Variants in SQSTM1 observed in about 807,000 individuals in gnomAD.
The protein encoded by SQSTM1 is sequestosome-1.
A neutral mutation model predicts 45.1 loss-of-function variants in SQSTM1; 36 were observed. The ratio of observed to expected loss-of-function variants is 0.80; its 90% CI spans 0.61 to 1.05. The LOEUF (loss-of-function observed/expected upper bound fraction) is 1.05. Ranked by LOEUF, SQSTM1 falls within the 50% of genes least tolerant of loss-of-function variation. The probability of loss-of-function intolerance (pLI) is 0.00; values close to 1 mark genes in which losing one functional copy is unlikely to be tolerated. For missense variants in SQSTM1, 617 were observed against 607.1 expected (o/e 1.02, Z -0.17); for synonymous variants, 290 against 244.3 (o/e 1.19, Z -1.74).
In SQSTM1 at chr5:179,824,353, T is replaced by C. The variant is rs1259700697; in HGVS notation, c.673+30T>C. On this transcript the variant is annotated intron_variant, in intron 4 of 7. Coordinates refer to ENST00000389805, the MANE Select transcript of SQSTM1 (RefSeq NM_003900.5). ...GGCTTGTGTTGGAACCTGCTTCTGATTGGTGACAGTAGTCAGGCAGCCTGT... is the reference window on the plus strand; with the variant it reads ...GGCTTGTGTTGGAACCTGCTTCTGACTGGTGACAGTAGTCAGGCAGCCTGT... The C allele has an allele frequency of 5.6e-6, 9 of 1,613,242 alleles. No homozygotes were observed. In the Admixed American group the frequency reaches 8.3e-5, roughly 15 times the overall value.
At position 179,833,573 on chromosome 5, in the gene SQSTM1, G is replaced by A. The variant is rs761682844; in HGVS notation, c.970-14G>A. On this transcript the variant is annotated splice_polypyrimidine_tract_variant and intron_variant, in intron 6 of 7. Transcript: ENST00000389805. ...CGCGTGTCTCCTGTGTGCTCATGGT[G>A]AGTTTTGTTCCAGGAACAGATGGAG... The A allele has an allele frequency of 1.3e-4, 208 of 1,613,974 alleles. No individual in the cohort carries two copies. The highest frequency in any genetic ancestry group is 1.7e-4 in the Non-Finnish European group (200 of 1,179,998).
At chr5:179,810,081 G>A (rs1757349758) in intron 1 of SQSTM1, among the ~76,000 whole-genome samples, 1 of 152,066 alleles carries the variant, frequency 6.6e-6, no homozygotes, top group Non-Finnish European at 1.5e-5. Flanking sequence ...AACGCACCGG[G>A]CCAACAATTT....
chr5:179,812,486 C>T (rs1429622488), intron 2 of SQSTM1: 2 of 152,280 alleles, frequency 1.3e-5, no homozygotes, highest in African/African-American at 4.8e-5. Context: ...CAGGCGCTGG[C>T]ATCTCCAGGC....
chr5:179,833,589 A>G lies in SQSTM1; in HGVS notation c.972A>G (p.Glu324=). ...GCTCATGGTGAGTTTTGTTCCAGGAACAGATGGAGTCGGATAACTGTTCAG... is the reference window on the plus strand; with the variant it reads ...GCTCATGGTGAGTTTTGTTCCAGGAGCAGATGGAGTCGGATAACTGTTCAG... ...IALESEGRPE[E]QMESDNCSGG... Residue 324 remains glutamate (E), a splice_region_variant and synonymous_variant, in exon 7 of 8, where the codon GAA becomes GAG. Coordinates refer to ENST00000389805, the MANE Select transcript of SQSTM1 (RefSeq NM_003900.5). The G allele has an allele frequency of 6.2e-7, 1 of 1,614,186 alleles. No individual in the cohort carries two copies. Among genetic ancestry groups the G allele is most frequent in the African/African-American group, 1.3e-5 (1 of 75,056 alleles).
At chr5:179,811,326 T>TA in intron 1 of SQSTM1, among the ~76,000 whole-genome samples, 1 of 130,806 alleles carries the variant, frequency 7.6e-6, no homozygotes, top group African/African-American at 2.9e-5. Flanking sequence ...GGGGAGGAGC[T>TA]TTGCAGGGGG....
At position 179,825,214 on chromosome 5, in the gene SQSTM1, C is replaced by G. The variant is rs1355548448; in HGVS notation, c.742C>G (p.Leu248Val). The G allele has an allele frequency of 1.2e-6, 2 of 1,613,922 alleles. No homozygotes were observed. Among genetic ancestry groups the G allele is most frequent in the Non-Finnish European group, 1.7e-6 (2 of 1,179,990 alleles). The change falls in exon 5 of 8, where the codon CTT becomes GTT. Residue 248 changes from leucine to valine, a missense_variant. Physicochemically the swap from Leu to Val is conservative, Grantham distance 32. Transcript: ENST00000389805. Reference protein sequence around the residue: ...KNVGESVAAALSPLGIEVDID... With the variant: ...KNVGESVAAAVSPLGIEVDID... ...CGTTGGGGAGAGTGTGGCAGCTGCC[C>G]TTAGCCCTCTGGGTGAGTGCACCTC...
At chr5:179,820,174 G>A (rs962433215), upstream of SQSTM1, 5 of 152,546 alleles carry the variant, frequency 3.3e-5, no homozygotes, top group African/African-American at 1.2e-4. Context: ...ACAGGGCCAT[G>A]GGCATTACCT....
intron 1 of SQSTM1, 55 bp downstream of exon 1, chr5:179,821,196 G>A: frequency 7.6e-7 from 1 of 1,311,838 alleles, no homozygotes; most frequent in South Asian, 2.0e-5. Context: ...ACGGCCTCCT[G>A]CCGCGGGGTG....
chr5:179,837,119 A>G lies in SQSTM1; in HGVS notation c.*526A>G. On this transcript the variant is annotated 3_prime_UTR_variant, in exon 8 of 8. Coordinates refer to ENST00000389805, the MANE Select transcript of SQSTM1 (RefSeq NM_003900.5). ...CATCCGCAATGTTGGTTTCACTGAG[A>G]GCTGCCTCCTGGTCTCTTCACCACT... The G allele has an allele frequency of 8.9e-7, 1 of 1,124,260 alleles. No individual in the cohort carries two copies. Among genetic ancestry groups the G allele is most frequent in the East Asian group, 2.6e-5 (1 of 39,044 alleles). The allele number at this position is 1,124,260 out of a possible 1,614,324, so 69.6% of individuals were successfully genotyped here. A position where few individuals can be genotyped will look rare whatever the true frequency, so the allele number is the denominator to read the frequency against.
chr5:179,821,470 C>A, intron 1 of SQSTM1: 1 of 560,652 alleles, frequency 1.8e-6, no homozygotes. Context: ...CAAGGACGCG[C>A]CGGGGCGAAC....
chr5:179,830,649 C>T (rs1006111558), intron 5 of SQSTM1, among the ~76,000 whole-genome samples: 1 of 151,988 alleles, frequency 6.6e-6, no homozygotes, highest in Non-Finnish European at 1.5e-5. Context: ...GTTTCCACCT[C>T]CTGGGTTCAA....
In SQSTM1 at chr5:179,836,647, A is replaced by AGCTTGC; in HGVS notation, c.*56_*61dup. Reference sequence around the variant, plus strand: ...CCTCTTCTGTCTCATAGTTGTGTTAAGCTTGCGTAGAATTGCAGGTCTCTG... The same window carrying AGCTTGC: ...CCTCTTCTGTCTCATAGTTGTGTTAAGCTTGCGCTTGCGTAGAATTGCAGGTCTCTG... On this transcript the variant is annotated 3_prime_UTR_variant, in exon 8 of 8. Transcript: ENST00000389805. The AGCTTGC allele has an allele frequency of 1.2e-6, 2 of 1,613,186 alleles. No homozygotes were observed. The highest frequency in any genetic ancestry group is 1.7e-6 in the Non-Finnish European group (2 of 1,179,230).
At chr5:179,807,118 C>T (rs1293422134) in intron 1 of SQSTM1, among the ~76,000 whole-genome samples, 1 of 151,614 alleles carries the variant, frequency 6.6e-6, no homozygotes. Flanking sequence ...TGCGAGTCGG[C>T]CTCAGGTAAG....
chr5:179,834,243 G>C (rs1439008947), intron 7 of SQSTM1, among the ~76,000 whole-genome samples: 1 of 93,464 alleles, frequency 1.1e-5, no homozygotes, highest in Non-Finnish European at 2.1e-5. Context: ...CAGTGGGGGG[G>C]TGGGGGGTGG....
intron 5 of SQSTM1, among the ~76,000 whole-genome samples, chr5:179,825,902 G>A (rs906610862): frequency 1.3e-5 from 2 of 152,224 alleles, no homozygotes; most frequent in Non-Finnish European, 2.9e-5. Flanking sequence ...GCATGCGGCA[G>A]TGAGAATCAG....
intron 1 of SQSTM1, among the ~76,000 whole-genome samples, chr5:179,809,176 T>TA (rs1195435969): frequency 7.0e-6 from 1 of 142,512 alleles, no homozygotes; most frequent in Non-Finnish European, 1.5e-5. Context: ...TTTTTTTTTT[T>TA]AAGACGGAGT....
chr5:179,811,305 A>G (rs1470239538), intron 1 of SQSTM1, among the ~76,000 whole-genome samples: 1 of 145,544 alleles, frequency 6.9e-6, no homozygotes, highest in African/African-American at 2.6e-5. Context: ...GAGCCACAGA[A>G]GCTCTGCAGG....
upstream of SQSTM1, chr5:179,820,896 G>A (rs1398202483): frequency 2.1e-6 from 3 of 1,456,966 alleles, no homozygotes; most frequent in East Asian, 2.9e-5. Context: ...CGCGGCGGCT[G>A]CGACCGGGAC....
At chr5:179,823,320 G>A (rs1471328313) in intron 2 of SQSTM1, among the ~76,000 whole-genome samples, 1 of 151,674 alleles carries the variant, frequency 6.6e-6, no homozygotes, top group Non-Finnish European at 1.5e-5. Flanking sequence ...ACAAAAATTA[G>A]CCGGGTGTGG....
Sources: allele counts gnomAD v4.1 joint callset (sites outside exome capture counted in the v4.1 genomes callset), GRCh38; gene constraint gnomAD v4.1.1; transcripts MANE v1.5; gene names NCBI Gene and HGNC (gene_info 2026-07-23, HGNC 2026-07-21).